NPAS3: variants seen among roughly 807,000 people sequenced by gnomAD.
NPAS3 encodes the protein neuronal PAS domain protein 3.
NPAS3 carries 14 observed loss-of-function variants against 73.1 expected under a neutral mutation model. That is an observed-to-expected ratio of 0.19 (90% CI 0.13 to 0.30). The LOEUF (loss-of-function observed/expected upper bound fraction) is 0.30. Among genes scored for constraint, NPAS3 ranks in the 10% least tolerant of loss-of-function variants. NPAS3 has a pLI of 1.00. For missense variants in NPAS3, 1,096 were observed against 1,250.0 expected (o/e 0.88, Z 1.86); for synonymous variants, 620 against 541.5 (o/e 1.14, Z -2.01).
intron 4 of NPAS3, among the ~76,000 whole-genome samples, chr14:33,505,796 A>C (rs1381636292): frequency 1.9e-4 from 29 of 152,050 alleles, no homozygotes; most frequent in Non-Finnish European, 1.2e-4. Context: ...TTGGCCTTCA[A>C]GATTCTTCCT....
intron 5 of NPAS3, among the ~76,000 whole-genome samples, chr14:33,661,097 GAAAAAAA>G (rs11297345): frequency 7.5e-6 from 1 of 132,578 alleles, no homozygotes; most frequent in Non-Finnish European, 1.6e-5. Flanking sequence ...TCAGTAAAAG[GAAAAAAA>G]AAAAAAAAAA....
At chr14:33,021,489 G>A (rs1255809702) in intron 1 of NPAS3, among the ~76,000 whole-genome samples, 1 of 151,994 alleles carries the variant, frequency 6.6e-6, no homozygotes, top group Admixed American at 6.6e-5. Flanking sequence ...ATGGCCCAAG[G>A]GTCAAAACCA....
At chr14:33,246,104 G>C (rs886353717) in intron 3 of NPAS3, among the ~76,000 whole-genome samples, 1 of 152,010 alleles carries the variant, frequency 6.6e-6, no homozygotes, top group African/African-American at 2.4e-5. Context: ...GTGTAACCTC[G>C]GGTAAGTTTA....
chr14:33,715,663 G>C (rs1185350614), intron 6 of NPAS3, among the ~76,000 whole-genome samples: 1 of 152,102 alleles, frequency 6.6e-6, no homozygotes, highest in Admixed American at 6.6e-5. Context: ...ACAAGTCTGG[G>C]CCTCAGTAAA....
At chr14:33,423,635 C>T (rs771965450) in intron 4 of NPAS3, among the ~76,000 whole-genome samples, 2 of 151,878 alleles carry the variant, frequency 1.3e-5, no homozygotes, top group Non-Finnish European at 2.9e-5. Context: ...ATATTTTGAA[C>T]ACTTATTATA....
intron 2 of NPAS3, among the ~76,000 whole-genome samples, chr14:33,109,978 G>A (rs994309191): frequency 6.6e-6 from 1 of 151,392 alleles, no homozygotes; most frequent in Non-Finnish European, 1.5e-5. Flanking sequence ...ATAAATACAA[G>A]CAGATGAACA....
At chr14:33,466,177 G>GA (rs2050517341) in intron 4 of NPAS3, among the ~76,000 whole-genome samples, 2 of 152,248 alleles carry the variant, frequency 1.3e-5, no homozygotes, top group African/African-American at 4.8e-5. Flanking sequence ...AGAAGCAAGA[G>GA]AGGGACCATG....
chr14:33,208,840 T>C lies in NPAS3; in HGVS notation c.141-6342T>C, dbSNP rs144571777. ...CAACCATTACAACTGGTTTTATATA[T>C]TGTGTGAGCATCAGACCATCAAACA... On this transcript the variant is annotated intron_variant, in intron 2 of 11. Transcript: ENST00000356141. Among the ~76,000 whole-genome samples, 66 of 152,298 alleles carry C rather than the reference T, an allele frequency of 4.3e-4. 1 individual carries two copies. The East Asian group carries it at 0.012, about 28-fold the overall frequency.
rs1045996083 is a variant in NPAS3 at position 33,754,897 on chromosome 14, A to T, written c.853-19440A>T. On this transcript the variant is annotated intron_variant, in intron 7 of 11. Coordinates refer to ENST00000356141, the Ensembl canonical transcript of NPAS3. ...TGGACTGTCTGAAGTTATTTGGGGTAAATGCCATGACGTGTCTCATAGACG... is the reference window on the plus strand; with the variant it reads ...TGGACTGTCTGAAGTTATTTGGGGTTAATGCCATGACGTGTCTCATAGACG... Among the ~76,000 whole-genome samples the T allele has an allele frequency of 2.0e-5, 3 of 152,310 alleles. No individual in the cohort carries two copies. In the South Asian group the frequency reaches 6.2e-4, roughly 32 times the overall value.
chr14:33,706,472 G>A (rs1244841249), intron 6 of NPAS3, among the ~76,000 whole-genome samples: 1 of 152,166 alleles, frequency 6.6e-6, no homozygotes, highest in Non-Finnish European at 1.5e-5. Flanking sequence ...CAAACACCAT[G>A]CCTTCCCCCA....
intron 1 of NPAS3, among the ~76,000 whole-genome samples, chr14:32,956,589 C>T (rs7149835): frequency 0.3 from 45,048 of 151,898 alleles, 7,129 homozygotes; most frequent in African/African-American, 0.38. Context: ...TTCAAATATA[C>T]TTATTCCTTT....
At chr14:33,122,575 A>G (rs1222336627) in intron 2 of NPAS3, among the ~76,000 whole-genome samples, 3 of 152,138 alleles carry the variant, frequency 2.0e-5, no homozygotes, top group Admixed American at 2.0e-4. Flanking sequence ...ATGTTGAGCA[A>G]GTGTTTTAAG....
chr14:32,977,709 G>GT (rs5807697), intron 1 of NPAS3, among the ~76,000 whole-genome samples: 82,459 of 152,006 alleles, frequency 0.54, 25,354 homozygotes, highest in Non-Finnish European at 0.7. Context: ...TCCAGCCTGG[G>GT]TGACAGCAAG....
intron 3 of NPAS3, among the ~76,000 whole-genome samples, chr14:33,264,202 C>T (rs1436362159): frequency 1.3e-5 from 2 of 151,498 alleles, no homozygotes; most frequent in South Asian, 2.1e-4. Context: ...TGTTCTCACT[C>T]ATAGGTGAGA....
chr14:33,372,552 G>A (rs1250216917), intron 4 of NPAS3, among the ~76,000 whole-genome samples: 2 of 152,154 alleles, frequency 1.3e-5, no homozygotes, highest in African/African-American at 4.8e-5. Context: ...GAACTCTGGG[G>A]CCGCCATTCA....
chr14:33,456,102 G>A (rs1046253484), intron 4 of NPAS3, among the ~76,000 whole-genome samples: 10 of 152,208 alleles, frequency 6.6e-5, no homozygotes, highest in Non-Finnish European at 1.2e-4. Context: ...TTGGATGGGA[G>A]GAATTTTTGG....
intron 4 of NPAS3, among the ~76,000 whole-genome samples, chr14:33,557,976 T>TA (rs962578825): frequency 9.2e-5 from 14 of 151,878 alleles, no homozygotes; most frequent in East Asian, 1.9e-4. Context: ...CTCAAAAAAA[T>TA]AAAAAAAATG....
At chr14:33,517,864 C>G (rs1315466909) in intron 4 of NPAS3, among the ~76,000 whole-genome samples, 7 of 152,062 alleles carry the variant, frequency 4.6e-5, no homozygotes, top group Non-Finnish European at 1.0e-4. Context: ...AGCACAGCAC[C>G]TGGCATGCAA....
intron 4 of NPAS3, among the ~76,000 whole-genome samples, chr14:33,489,885 T>G (rs186066265): frequency 1.4e-4 from 22 of 152,302 alleles, no homozygotes; most frequent in African/African-American, 4.8e-4. Flanking sequence ...CTCAGCATTG[T>G]TGATCTGCTT....
Sources: allele counts gnomAD v4.1 joint callset (sites outside exome capture counted in the v4.1 genomes callset), GRCh38; gene constraint gnomAD v4.1.1; transcripts MANE v1.5; gene names NCBI Gene and HGNC (gene_info 2026-07-23, HGNC 2026-07-21).